DOCK4: variants seen among roughly 807,000 people sequenced by gnomAD.
DOCK4 encodes the protein dedicator of cytokinesis 4.
In DOCK4, 97 loss-of-function variants were observed where a neutral mutation model predicts 268.1. The ratio of observed to expected loss-of-function variants is 0.36; its 90% CI spans 0.31 to 0.43. DOCK4 has a LOEUF of 0.43. Among genes scored for constraint, DOCK4 ranks in the 20% least tolerant of loss-of-function variants. The probability of loss-of-function intolerance (pLI) is 1.00; values close to 1 mark genes in which losing one functional copy is unlikely to be tolerated. For synonymous variants in DOCK4, 954 were observed against 887.2 expected, an observed-to-expected ratio of 1.08 and a Z score of -1.34; for missense variants, 2,145 against 2,455.7, an observed-to-expected ratio of 0.87 and a Z score of 2.67.
intron 27 of DOCK4, among the ~76,000 whole-genome samples, 169 bp downstream of exon 27, chr7:111,822,193 T>C (rs1486559385): frequency 6.6e-6 from 1 of 152,176 alleles, no homozygotes; most frequent in African/African-American, 2.4e-5. Context: ...ATGATGTTAA[T>C]ATATACAAAG....
intron 30 of DOCK4, among the ~76,000 whole-genome samples, chr7:111,807,191 A>T (rs964540189): frequency 6.6e-6 from 1 of 152,206 alleles, no homozygotes; most frequent in Non-Finnish European, 1.5e-5. Context: ...TGAGCCCAGA[A>T]AAGAGCTTAC....
intron 1 of DOCK4, among the ~76,000 whole-genome samples, chr7:112,080,912 G>A (rs894703981): frequency 6.6e-6 from 1 of 152,160 alleles, no homozygotes; most frequent in African/African-American, 2.4e-5. Context: ...CTAAACACTT[G>A]TGTAGATTTG....
chr7:111,872,561 T>A lies in DOCK4; in HGVS notation c.1748A>T (p.Asp583Val). Residue 583 changes from aspartate (D) to valine (V), a missense_variant, in exon 18 of 53, where the codon GAT becomes GTT. By Grantham distance (152) the Asp-to-Val change is radical (BLOSUM62 -3). This residue lies in a region of DOCK4 where 1,598 missense variants were observed against 1,986.7 expected (regional missense o/e 0.80). Coordinates refer to ENST00000428084, the MANE Select transcript of DOCK4 (RefSeq NM_001363540.2). ...TCTCCATTTCAAAAGATCAAGCATA[T>A]CACCTTTCAAAATAGAAAAGGAAGA... The part of the protein sequence containing the change: ...LCSTKLTQNG[D>V]MLDLLKWRTH... 1 of 1,588,844 alleles carries A rather than the reference T, an allele frequency of 6.3e-7. No individual in the cohort carries two copies. Among genetic ancestry groups the A allele is most frequent in the Non-Finnish European group, 8.6e-7 (1 of 1,166,808 alleles).
chr7:111,834,182 T>G (rs1803061855), intron 26 of DOCK4, among the ~76,000 whole-genome samples: 1 of 152,244 alleles, frequency 6.6e-6, no homozygotes, highest in South Asian at 2.1e-4. Context: ...CAAAAAGTTG[T>G]AGCCAGAACT....
chr7:112,108,418 A>G (rs1811326328), intron 1 of DOCK4, among the ~76,000 whole-genome samples: 1 of 152,204 alleles, frequency 6.6e-6, no homozygotes, highest in African/African-American at 2.4e-5. Context: ...TTCGTAGGAC[A>G]AGCCAAGGAG....
chr7:112,150,752 A>G (rs1229655719), intron 1 of DOCK4, among the ~76,000 whole-genome samples: 1 of 151,656 alleles, frequency 6.6e-6, no homozygotes, highest in Non-Finnish European at 1.5e-5. Flanking sequence ...ACCATCCTCA[A>G]CCTCCCCAAA....
chr7:112,112,381 T>C (rs1811743883), intron 1 of DOCK4, among the ~76,000 whole-genome samples: 3 of 152,132 alleles, frequency 2.0e-5, no homozygotes, highest in African/African-American at 7.2e-5. Context: ...TGGTGGCTCA[T>C]GCCTGTAATC....
At chr7:111,912,860 T>C (rs1023510193) in intron 13 of DOCK4, among the ~76,000 whole-genome samples, 4 of 152,086 alleles carry the variant, frequency 2.6e-5, no homozygotes, top group African/African-American at 9.7e-5. Context: ...ACTTTTTCTT[T>C]TTTTTTTGCT....
intron 14 of DOCK4, 55 bp downstream of exon 14, chr7:111,901,622 A>C: frequency 6.4e-7 from 1 of 1,551,976 alleles, no homozygotes; most frequent in South Asian, 1.2e-5. Flanking sequence ...TTAAAGATTA[A>C]GTGAAAGCAA....
chr7:111,824,452 ATTAG>A (rs1240545745), intron 26 of DOCK4, among the ~76,000 whole-genome samples: 4 of 152,144 alleles, frequency 2.6e-5, no homozygotes, highest in African/African-American at 7.2e-5. Context: ...ATGGTCTACA[ATTAG>A]TTAGGAACAG....
At chr7:111,818,727 C>T (rs1318641123) in intron 27 of DOCK4, among the ~76,000 whole-genome samples, 1 of 152,176 alleles carries the variant, frequency 6.6e-6, no homozygotes, top group Non-Finnish European at 1.5e-5. Flanking sequence ...GGTTCCTTCC[C>T]TCCCCACATT....
chr7:111,845,475 T>C (rs1804026738), intron 24 of DOCK4, among the ~76,000 whole-genome samples: 1 of 152,176 alleles, frequency 6.6e-6, no homozygotes, highest in African/African-American at 2.4e-5. Flanking sequence ...GCTTTCCTGA[T>C]GCAAAGTTAA....
At chr7:111,941,432 GA>G (rs750682258) in intron 10 of DOCK4, among the ~76,000 whole-genome samples, 111 of 151,080 alleles carry the variant, frequency 7.3e-4, no homozygotes, top group Admixed American at 2.0e-3. Flanking sequence ...TTTTTTAAAT[GA>G]AAAAAAAGGT....
At chr7:112,033,782 T>C (rs76803155) in intron 1 of DOCK4, among the ~76,000 whole-genome samples, 24 of 152,336 alleles carry the variant, frequency 1.6e-4, no homozygotes, top group African/African-American at 5.1e-4. Flanking sequence ...TACATTCCTG[T>C]TGAAGAATCA....
At chr7:112,068,239 A>G (rs924813998) in intron 1 of DOCK4, among the ~76,000 whole-genome samples, 2 of 152,136 alleles carry the variant, frequency 1.3e-5, no homozygotes, top group African/African-American at 4.8e-5. Context: ...AGTTTCTTCA[A>G]CTGTAAAGTG....
chr7:111,950,567 G>C (rs1480017925), intron 8 of DOCK4, among the ~76,000 whole-genome samples: 1 of 152,136 alleles, frequency 6.6e-6, no homozygotes, highest in Admixed American at 6.5e-5. Flanking sequence ...GGTATTCTTA[G>C]ATGTTTGATA....
At chr7:111,911,442 C>A (rs1046232795) in intron 13 of DOCK4, among the ~76,000 whole-genome samples, 3 of 151,440 alleles carry the variant, frequency 2.0e-5, no homozygotes, top group Non-Finnish European at 2.9e-5. Flanking sequence ...TCTCCCTTTT[C>A]TATTATGGAA....
chr7:111,981,276 C>T (rs924287612), intron 7 of DOCK4, among the ~76,000 whole-genome samples: 1 of 152,214 alleles, frequency 6.6e-6, no homozygotes, highest in Non-Finnish European at 1.5e-5. Context: ...GTGATGGTGC[C>T]TCCCAGCTCT....
At chr7:111,889,136 C>T (rs921929565) in intron 16 of DOCK4, among the ~76,000 whole-genome samples, 2 of 152,206 alleles carry the variant, frequency 1.3e-5, no homozygotes, top group South Asian at 2.1e-4. Flanking sequence ...GTGTTTTCCC[C>T]CCACTGTTCA....
Sources: allele counts gnomAD v4.1 joint callset (sites outside exome capture counted in the v4.1 genomes callset), GRCh38; gene constraint gnomAD v4.1.1; regional missense constraint gnomAD v4.1.1; transcripts MANE v1.5; gene names NCBI Gene and HGNC (gene_info 2026-07-23, HGNC 2026-07-21).